FAM193A: variants seen among roughly 807,000 people sequenced by gnomAD.
FAM193A encodes protein FAM193A.
FAM193A carries 22 observed loss-of-function variants against 126.5 expected under a neutral mutation model. The observed-to-expected ratio is 0.17, with a 90% CI of 0.12 to 0.25. The LOEUF (loss-of-function observed/expected upper bound fraction) is 0.25, where lower values mean the gene tolerates loss of function less well. Ranked by LOEUF, FAM193A falls within the 10% of genes least tolerant of loss-of-function variation. The pLI is 1.00. For missense variants in FAM193A, 1,675 were observed against 1,672.8 expected (o/e 1.00, Z -0.02); for synonymous variants, 761 against 646.8 (o/e 1.18, Z -2.68).
chr4:2,631,335 C>G (rs187831425), intron 5 of FAM193A, among the ~76,000 whole-genome samples, 166 bp downstream of exon 5: 64 of 152,226 alleles, frequency 4.2e-4, no homozygotes, highest in African/African-American at 1.5e-3. Flanking sequence ...TCCTCTTTGT[C>G]TTTCCTCTGG....
chr4:2,535,543 C>A (rs905400562), upstream of FAM193A, among the ~76,000 whole-genome samples: 4 of 152,226 alleles, frequency 2.6e-5, no homozygotes, highest in Non-Finnish European at 4.4e-5. Context: ...TAAGCGGGGC[C>A]CTCCAGGGGG....
At chr4:2,584,096 A>G (rs1740099001) in intron 1 of FAM193A, among the ~76,000 whole-genome samples, 1 of 152,108 alleles carries the variant, frequency 6.6e-6, no homozygotes, top group Non-Finnish European at 1.5e-5. Flanking sequence ...TTTAGCTGTT[A>G]TATATAGGTC....
At chr4:2,642,313 A>G (rs568194474) in intron 6 of FAM193A, among the ~76,000 whole-genome samples, 121 of 152,104 alleles carry the variant, frequency 8.0e-4, no homozygotes, top group African/African-American at 2.9e-3. Context: ...AAAAAAACAC[A>G]CAAAAAAATC....
At chr4:2,550,476 G>C (rs1224662971) in intron 1 of FAM193A, among the ~76,000 whole-genome samples, 1 of 151,976 alleles carries the variant, frequency 6.6e-6, no homozygotes, top group Non-Finnish European at 1.5e-5. Context: ...CGCTCTTGGT[G>C]CCCAGGCTGC....
chr4:2,554,380 G>C, intron 1 of FAM193A, among the ~76,000 whole-genome samples: 1 of 152,146 alleles, frequency 6.6e-6, no homozygotes, highest in South Asian at 2.1e-4. Context: ...CACCGTGTCC[G>C]GCCACCTGTA....
intron 20 of FAM193A, among the ~76,000 whole-genome samples, chr4:2,726,986 C>T (rs1354746331): frequency 6.9e-6 from 1 of 145,324 alleles, no homozygotes; most frequent in Non-Finnish European, 1.5e-5. Context: ...ACCAGCCGGG[C>T]GCAGTGGCTC....
At chr4:2,624,221 G>A (rs944401139) in intron 2 of FAM193A, among the ~76,000 whole-genome samples, 1 of 152,014 alleles carries the variant, frequency 6.6e-6, no homozygotes, top group Non-Finnish European at 1.5e-5. Flanking sequence ...CTGTTTCTCA[G>A]GCTGGAGTGC....
intron 1 of FAM193A, among the ~76,000 whole-genome samples, chr4:2,545,307 C>T (rs1257342155): frequency 6.6e-6 from 1 of 152,142 alleles, no homozygotes; most frequent in Non-Finnish European, 1.5e-5. Flanking sequence ...CTTTGAATTT[C>T]ATAGAACAAG....
chr4:2,719,963 T>C, intron 20 of FAM193A: 1 of 305,944 alleles, frequency 3.3e-6, no homozygotes. Flanking sequence ...CTAATTTTTT[T>C]TTTCTTCTTT....
At chr4:2,614,616 A>G (rs1196023190) in intron 2 of FAM193A, among the ~76,000 whole-genome samples, 1 of 152,236 alleles carries the variant, frequency 6.6e-6, no homozygotes, top group East Asian at 1.9e-4. Context: ...CTAATACTTC[A>G]TTATAAAATG....
intron 1 of FAM193A, among the ~76,000 whole-genome samples, chr4:2,546,594 G>A (rs1465684109): frequency 6.6e-6 from 1 of 152,170 alleles, no homozygotes; most frequent in Non-Finnish European, 1.5e-5. Flanking sequence ...GTTGTTGCAT[G>A]TATCAGTAGC....
At chr4:2,583,022 G>A (rs560707118) in intron 1 of FAM193A, among the ~76,000 whole-genome samples, 1 of 152,170 alleles carries the variant, frequency 6.6e-6, no homozygotes, top group Non-Finnish European at 1.5e-5. Context: ...AGGCTGGAGT[G>A]CAGTGGCACG....
intron 20 of FAM193A, among the ~76,000 whole-genome samples, chr4:2,723,660 AAC>A (rs1325833771): frequency 6.6e-6 from 1 of 152,246 alleles, no homozygotes; most frequent in Admixed American, 6.5e-5. Flanking sequence ...AAAGGTTTAA[AAC>A]ACTTGATATC....
intron 2 of FAM193A, among the ~76,000 whole-genome samples, chr4:2,616,261 C>T (rs1742180089): frequency 6.6e-6 from 1 of 152,182 alleles, no homozygotes; most frequent in African/African-American, 2.4e-5. Flanking sequence ...TTTGTTGTTA[C>T]TAATCCTTGT....
chr4:2,584,679 C>G (rs942484898), intron 1 of FAM193A, among the ~76,000 whole-genome samples: 1 of 152,246 alleles, frequency 6.6e-6, no homozygotes, highest in African/African-American at 2.4e-5. Flanking sequence ...GTAATCCCAG[C>G]ACTTTGGGAG....
intron 2 of FAM193A, among the ~76,000 whole-genome samples, chr4:2,603,406 G>A (rs936086894): frequency 6.8e-5 from 10 of 146,752 alleles, no homozygotes; most frequent in Admixed American, 6.2e-4. Flanking sequence ...TTCCTCAGCC[G>A]CCCTAGTAGC....
chr4:2,722,852 A>G (rs1284634403), intron 20 of FAM193A, among the ~76,000 whole-genome samples: 1 of 152,242 alleles, frequency 6.6e-6, no homozygotes. Context: ...AGTAAGAGAC[A>G]GGGTTTTGCC....
intron 12 of FAM193A, among the ~76,000 whole-genome samples, chr4:2,671,694 C>CACCGTA (rs1212895754): frequency 6.6e-6 from 1 of 152,206 alleles, no homozygotes; most frequent in Non-Finnish European, 1.5e-5. Context: ...CTCTTCACTC[C>CACCGTA]ACCGTAACCG....
At chr4:2,661,984 C>G (rs913915420) in intron 10 of FAM193A, among the ~76,000 whole-genome samples, 13 of 152,220 alleles carry the variant, frequency 8.5e-5, no homozygotes, top group Non-Finnish European at 1.9e-4. Flanking sequence ...GGGATTGAGA[C>G]TATCCTGGCT....
Sources: gnomAD v4.1 joint callset for allele counts (sites outside exome capture counted in the v4.1 genomes callset) on GRCh38, gnomAD v4.1.1 for gene constraint, MANE v1.5 for transcripts, NCBI Gene and HGNC (gene_info 2026-07-23, HGNC 2026-07-21) for gene names.